The following ZNF608 variants were observed in gnomAD, a reference collection of about 807,000 sequenced individuals.
ZNF608 encodes zinc finger protein 608.
A neutral mutation model predicts 109.0 loss-of-function variants in ZNF608; 12 were observed. That is an observed-to-expected ratio of 0.11 (90% CI 0.07 to 0.18). The LOEUF (loss-of-function observed/expected upper bound fraction) is 0.18. Ranked by LOEUF, ZNF608 falls within the 10% of genes least tolerant of loss-of-function variation. The pLI is 1.00. For synonymous variants in ZNF608, 732 were observed against 717.4 expected (o/e 1.02, Z -0.33); for missense variants, 1,707 against 1,879.3 (o/e 0.91, Z 1.70).
chr5:124,680,687 A>ACC (rs1274690941), intron 3 of ZNF608, among the ~76,000 whole-genome samples: 1 of 152,222 alleles, frequency 6.6e-6, no homozygotes, highest in Non-Finnish European at 1.5e-5. Flanking sequence ...CACATGACAA[A>ACC]TCACACACAT....
At position 124,648,496 on chromosome 5, in the gene ZNF608, C is replaced by T; in HGVS notation, c.1888G>A (p.Ala630Thr). Residue 630 changes from alanine to threonine, a missense_variant, in exon 5 of 10, where the codon GCT becomes ACT. Transcript: ENST00000513986. ...DQLKAPASPG[A>T]GNPPGTPKGK... ...TTTGGGGTCCCAGGTGGGTTTCCAG[C>T]ACCAGGGGATGCCGGTGCCTTCAAC... 6.2e-7 allele frequency: 1 copy of T among 1,614,190 alleles called. No homozygotes were observed. The highest frequency in any genetic ancestry group is 8.5e-7 in the Non-Finnish European group (1 of 1,180,040).
At chr5:124,737,685 A>C (rs913065575) in intron 2 of ZNF608, among the ~76,000 whole-genome samples, 3 of 152,202 alleles carry the variant, frequency 2.0e-5, no homozygotes, top group Non-Finnish European at 2.9e-5. Flanking sequence ...TACATTCCCA[A>C]AGGTATTTCC....
intron 2 of ZNF608, among the ~76,000 whole-genome samples, chr5:124,740,215 A>C (rs972441689): frequency 2.6e-5 from 4 of 152,198 alleles, no homozygotes; most frequent in African/African-American, 9.6e-5. Flanking sequence ...GTCTGATTAC[A>C]CAAATACCTA....
rs552496163 is a variant in ZNF608, at chr5:124,651,631, A to T, written c.1163-1934T>A. Among the ~76,000 whole-genome samples, 8 of 152,402 alleles carry T rather than the reference A, an allele frequency of 5.2e-5. No individual in the cohort carries two copies. The South Asian group carries it at 1.4e-3, about 28-fold the overall frequency. On this transcript the variant is annotated intron_variant, in intron 3 of 9. Coordinates refer to ENST00000513986, the MANE Select transcript of ZNF608 (RefSeq NM_020747.3). ...TTCTTGCAGTAATAAAATTAAAAAC[A>T]GGAAAAGTCTGCACAGACACTTAAC...
At chr5:124,728,906 C>T (rs551005715) in intron 2 of ZNF608, among the ~76,000 whole-genome samples, 1 of 152,280 alleles carries the variant, frequency 6.6e-6, no homozygotes, top group Admixed American at 6.5e-5. Flanking sequence ...ACTCTTCTTT[C>T]TCTTCTTATA....
intron 3 of ZNF608, among the ~76,000 whole-genome samples, chr5:124,694,285 G>A (rs180963823): frequency 9.3e-5 from 14 of 150,474 alleles, no homozygotes; most frequent in African/African-American, 1.7e-4. Context: ...GAGCCACTGC[G>A]CCCGGCCCTC....
intron 3 of ZNF608, among the ~76,000 whole-genome samples, chr5:124,673,456 C>G (rs371705123): frequency 2.6e-5 from 4 of 152,150 alleles, no homozygotes; most frequent in African/African-American, 7.2e-5. Context: ...AAGAGATGGT[C>G]TTAAACTTTT....
chr5:124,740,799 T>C (rs1749362118), intron 2 of ZNF608, among the ~76,000 whole-genome samples: 1 of 152,244 alleles, frequency 6.6e-6, no homozygotes. Context: ...CTTTCACTTC[T>C]GTTTAAGTAT....
intron 3 of ZNF608, among the ~76,000 whole-genome samples, chr5:124,679,823 G>A (rs1752120391): frequency 6.6e-6 from 1 of 152,190 alleles, no homozygotes. Flanking sequence ...TTTTAAGGAG[G>A]TGTCTTCCAT....
intron 3 of ZNF608, among the ~76,000 whole-genome samples, chr5:124,651,104 G>C (rs1376595145): frequency 6.6e-6 from 1 of 152,232 alleles, no homozygotes; most frequent in East Asian, 1.9e-4. Flanking sequence ...GTAGCAATAG[G>C]CTAGCAGGGG....
chr5:124,705,797 C>A (rs1753235200), intron 2 of ZNF608, among the ~76,000 whole-genome samples: 1 of 152,182 alleles, frequency 6.6e-6, no homozygotes, highest in Non-Finnish European at 1.5e-5. Context: ...ACCATGAAGG[C>A]CCTGATGAGT....
chr5:124,659,800 T>C (rs774131783), intron 3 of ZNF608, among the ~76,000 whole-genome samples: 5 of 152,214 alleles, frequency 3.3e-5, no homozygotes, highest in Non-Finnish European at 7.3e-5. Context: ...AAGGAGACAG[T>C]GGGAACCAAT....
chr5:124,725,532 G>A (rs1455970603), intron 2 of ZNF608, among the ~76,000 whole-genome samples: 1 of 152,022 alleles, frequency 6.6e-6, no homozygotes, highest in Non-Finnish European at 1.5e-5. Context: ...AATTATTTTT[G>A]CTGTCAGAAC....
At chr5:124,712,819 C>A (rs1161805814) in intron 2 of ZNF608, among the ~76,000 whole-genome samples, 2 of 152,286 alleles carry the variant, frequency 1.3e-5, no homozygotes, top group East Asian at 3.9e-4. Context: ...GCCCCTACAC[C>A]AACCTGGAAC....
chr5:124,726,788 CCCAACTCCGAGT>C lies in ZNF608; in HGVS notation c.906+17284_906+17295del, dbSNP rs1474211572. On this transcript the variant is annotated intron_variant, in intron 2 of 9. Transcript: ENST00000513986. ...AAGGCCCTGCATGACCTGGCCTCTG[CCCAACTCCGAGT>C]CCAATCTGGACATGGGCTGTGCGCC... Among the ~76,000 whole-genome samples, 11 of 152,366 alleles carry C rather than the reference CCCAACTCCGAGT, an allele frequency of 7.2e-5. No homozygotes were observed. In the East Asian group the frequency reaches 2.1e-3, roughly 29 times the overall value.
At chr5:124,691,984 T>C (rs1265178985) in intron 3 of ZNF608, among the ~76,000 whole-genome samples, 1 of 152,246 alleles carries the variant, frequency 6.6e-6, no homozygotes, top group East Asian at 1.9e-4. Context: ...ATAGAGTTTT[T>C]TCCCATCTAC....
intron 2 of ZNF608, among the ~76,000 whole-genome samples, chr5:124,706,794 A>G (rs1005989871): frequency 2.6e-5 from 4 of 152,170 alleles, no homozygotes; most frequent in African/African-American, 9.7e-5. Flanking sequence ...GAGGAAAGTT[A>G]ATGTCAAGAA....
At chr5:124,675,694 C>G (rs999190122) in intron 3 of ZNF608, among the ~76,000 whole-genome samples, 6 of 152,110 alleles carry the variant, frequency 3.9e-5, no homozygotes, top group Non-Finnish European at 8.8e-5. Context: ...TTTAGAAATA[C>G]CCTTAATCTA....
chr5:124,693,709 G>C (rs1278178911), intron 3 of ZNF608, among the ~76,000 whole-genome samples: 1 of 152,082 alleles, frequency 6.6e-6, no homozygotes, highest in African/African-American at 2.4e-5. Flanking sequence ...TAAAGTGACG[G>C]TCTATGTTGT....
Sources: allele counts gnomAD v4.1 joint callset (sites outside exome capture counted in the v4.1 genomes callset), GRCh38; gene constraint gnomAD v4.1.1; transcripts MANE v1.5; gene names NCBI Gene and HGNC (gene_info 2026-07-23, HGNC 2026-07-21).